FANCD2OS: variants seen among roughly 807,000 people sequenced by gnomAD.
FANCD2OS encodes FANCD2 opposite strand, also known as FANCD2 opposite strand protein.
FANCD2OS carries 11 observed loss-of-function variants against 13.2 expected under a neutral mutation model. The observed-to-expected ratio is 0.83, with a 90% CI of 0.52 to 1.38. The LOEUF (loss-of-function observed/expected upper bound fraction) is 1.38. Ranked by LOEUF, FANCD2OS falls within the 40% of genes most tolerant of loss-of-function variation. The probability of loss-of-function intolerance (pLI) is 0.00; values close to 1 mark genes in which losing one functional copy is unlikely to be tolerated. For synonymous variants in FANCD2OS, 69 were observed against 84.5 expected (o/e 0.82, Z 1.01); for missense variants, 217 against 213.9 (o/e 1.01, Z -0.09).
chr3:10,095,975 G>A (rs1050033822), intron 2 of FANCD2OS, among the ~76,000 whole-genome samples: 3 of 149,202 alleles, frequency 2.0e-5, no homozygotes, highest in East Asian at 3.9e-4. Context: ...TCCGCCTCCC[G>A]GCTGGACAGT....
intron 1 of FANCD2OS, among the ~76,000 whole-genome samples, chr3:10,105,454 C>A (rs978633668): frequency 6.6e-6 from 1 of 151,982 alleles, no homozygotes; most frequent in East Asian, 1.9e-4. Context: ...AAAGTCATGT[C>A]TTAAAAATAT....
chr3:10,104,298 G>T lies in FANCD2OS; in HGVS notation c.477C>A (p.Ile159=), dbSNP rs1458523177. The change falls in exon 2 of 2, where the codon ATC becomes ATA. Residue 159 remains isoleucine (I), a synonymous_variant. Transcript: ENST00000450660. Reference sequence around the variant, plus strand: ...TTTTGTAAGTTGCATACAGCAAGAGGATAGAGCGCAGCATCTGTTTGCACA... The same window carrying T: ...TTTTGTAAGTTGCATACAGCAAGAGTATAGAGCGCAGCATCTGTTTGCACA... The part of the protein sequence containing the change: ...VTMCKQMLRS[I]LLLYATYKKC... 5 of 1,614,040 alleles carry T rather than the reference G, an allele frequency of 3.1e-6. No individual in the cohort carries two copies. Among genetic ancestry groups the T allele is most frequent in the Non-Finnish European group, 4.2e-6 (5 of 1,180,024 alleles).
intron 2 of FANCD2OS, among the ~76,000 whole-genome samples, chr3:10,085,394 C>CTTTTTTTTTTTTTTTTT (rs1242296810): frequency 7.3e-6 from 1 of 136,940 alleles, no homozygotes; most frequent in Non-Finnish European, 1.6e-5. Context: ...TTTTTTCTTT[C>CTTTTTTTTTTTTTTTTT]TTTTTTTTTT....
downstream of FANCD2OS, chr3:10,103,094 TA>T (rs111889470): frequency 0.15 from 56,612 of 367,450 alleles, 411 homozygotes; most frequent in South Asian, 0.19. Flanking sequence ...CCATCTCTAC[TA>T]AAAAAAAAAA....
chr3:10,100,710 G>A (rs936263159), downstream of FANCD2OS, among the ~76,000 whole-genome samples: 17 of 151,998 alleles, frequency 1.1e-4, no homozygotes, highest in African/African-American at 3.6e-4. Context: ...ATTCTATATC[G>A]AATGCCCTCT....
intron 1 of FANCD2OS, among the ~76,000 whole-genome samples, chr3:10,105,697 G>A (rs1695448540): frequency 7.2e-6 from 1 of 138,730 alleles, no homozygotes; most frequent in African/African-American, 2.6e-5. Flanking sequence ...GTTGCAGTGA[G>A]TCAAGATCGC....
chr3:10,088,688 G>T, intron 2 of FANCD2OS: 1 of 1,114,684 alleles, frequency 9.0e-7, no homozygotes, highest in Non-Finnish European at 1.4e-6. Flanking sequence ...TGGAACATGT[G>T]GATCTTAAGA....
Position 10,093,254 on chromosome 3 carries a change from A to G in FANCD2OS, c.*43+10944T>C, listed in dbSNP as rs532891398. 3.7e-6 allele frequency: 6 copies of G among 1,601,558 alleles called. No individual in the cohort carries two copies. The African/African-American group carries it at 5.3e-5, about 14-fold the overall frequency. ...TGGAGTGCTCAAAGGAGCAGATCTC[A>G]GCCTTGGTTTCTTGTCTTTCACCTC... On this transcript the variant is annotated intron_variant, in intron 2 of 2. Coordinates refer to the FANCD2OS transcript ENST00000524279.
chr3:10,085,163 T>A (rs1466446157), intron 2 of FANCD2OS, among the ~76,000 whole-genome samples: 2 of 152,118 alleles, frequency 1.3e-5, no homozygotes, highest in African/African-American at 4.8e-5. Context: ...AGACTACATA[T>A]CTCTAAAATA....
chr3:10,083,501 G>A (rs1693973240), intron 2 of FANCD2OS: 1 of 152,122 alleles, frequency 6.6e-6, no homozygotes, highest in African/African-American at 2.4e-5. Context: ...TCCATATTGG[G>A]AAATAGTTTG....
chr3:10,107,522 G>C (rs1219819123), intron 1 of FANCD2OS, among the ~76,000 whole-genome samples: 1 of 151,856 alleles, frequency 6.6e-6, no homozygotes, highest in African/African-American at 2.4e-5. Flanking sequence ...TCCTGACCTC[G>C]TGATCCGCCC....
intron 1 of FANCD2OS, among the ~76,000 whole-genome samples, chr3:10,106,739 C>A (rs1422949307): frequency 1.3e-5 from 2 of 152,152 alleles, no homozygotes; most frequent in Non-Finnish European, 2.9e-5. Context: ...CAGGGTGAAA[C>A]CCCGTCTCTA....
intron 2 of FANCD2OS, among the ~76,000 whole-genome samples, chr3:10,083,887 C>CAA (rs1301118343): frequency 9.6e-4 from 42 of 43,770 alleles, no homozygotes; most frequent in African/African-American, 2.4e-3. Context: ...GACTCCGTCT[C>CAA]AAAAAAAAAA....
chr3:10,095,735 T>G (rs889009315), intron 2 of FANCD2OS, among the ~76,000 whole-genome samples: 7 of 152,236 alleles, frequency 4.6e-5, no homozygotes, highest in African/African-American at 1.7e-4. Flanking sequence ...CTTCTTATAG[T>G]TAATGAGGTA....
intron 2 of FANCD2OS, chr3:10,083,468 TA>T (rs1405738434): frequency 6.6e-6 from 1 of 152,192 alleles, no homozygotes; most frequent in Non-Finnish European, 1.5e-5. Flanking sequence ...CACATGCTTC[TA>T]GGGGGACTTT....
chr3:10,104,641 T>C lies in FANCD2OS; in HGVS notation c.134A>G (p.Asp45Gly), dbSNP rs1219760483. 3.7e-6 allele frequency: 6 copies of C among 1,614,120 alleles called. No homozygotes were observed. Among genetic ancestry groups the C allele is most frequent in the Non-Finnish European group, 5.1e-6 (6 of 1,180,026 alleles). ...ASPCFPHTPS[D>G]LEVQLCFQEV... is the part of the protein sequence containing the mutation. ...TTGAAAGCACAGCTGCACTTCAAGGTCGGACGGTGTGTGTGGGAAGCAGGG... is the reference window on the plus strand; with the variant it reads ...TTGAAAGCACAGCTGCACTTCAAGGCCGGACGGTGTGTGTGGGAAGCAGGG... Residue 45 changes from aspartate to glycine, a missense_variant, in exon 2 of 2, where the codon GAC becomes GGC. Asp to Gly is a moderately conservative substitution (Grantham distance 94). Transcript: ENST00000450660.
At position 10,096,559 on chromosome 3, in the gene FANCD2OS, C is replaced by T. The variant is rs573714806; in HGVS notation, c.*43+7639G>A. 409 of 1,255,338 alleles carry T rather than the reference C, an allele frequency of 3.3e-4. 2 individuals carry two copies. The African/African-American group carries it at 5.7e-3, about 17-fold the overall frequency. 77.8% of individuals were successfully genotyped at this position (1,255,338 alleles called of 1,614,324 possible). A position where few individuals can be genotyped will look rare whatever the true frequency, so the allele number is the denominator to read the frequency against. On this transcript the variant is annotated intron_variant, in intron 2 of 2. Transcript: ENST00000524279. ...GGCATGTAAGGAAGGTCACCTAAGCCCTCGTCTCTCAGTAAGGCTACTTTT... is the reference window on the plus strand; with the variant it reads ...GGCATGTAAGGAAGGTCACCTAAGCTCTCGTCTCTCAGTAAGGCTACTTTT...
downstream of FANCD2OS, among the ~76,000 whole-genome samples, chr3:10,100,546 A>C (rs913198710): frequency 6.6e-6 from 1 of 152,124 alleles, no homozygotes; most frequent in Non-Finnish European, 1.5e-5. Flanking sequence ...TAGTTTTTGT[A>C]TATTTAGTAG....
At chr3:10,101,359 G>T, downstream of FANCD2OS, 4 of 729,056 alleles carry the variant, frequency 5.5e-6, no homozygotes, top group Non-Finnish European at 9.6e-6. Context: ...CTTACTGGTA[G>T]GATCCTTTTT....
Sources: gnomAD v4.1 joint callset for allele counts (sites outside exome capture counted in the v4.1 genomes callset) on GRCh38, gnomAD v4.1.1 for gene constraint, MANE v1.5 for transcripts, NCBI Gene and HGNC (gene_info 2026-07-23, HGNC 2026-07-21) for gene names.